The following HACE1 variants were observed in gnomAD, a reference collection of about 807,000 sequenced individuals.
HACE1 encodes HECT domain and ankyrin repeat containing E3 ubiquitin protein ligase 1, also known as E3 ubiquitin-protein ligase HACE1.
Under a neutral mutation model 118.4 loss-of-function variants are expected in HACE1, and 73 were observed. The observed-to-expected ratio is 0.62, with a 90% confidence interval of 0.51 to 0.75. The LOEUF (loss-of-function observed/expected upper bound fraction) is 0.75, where lower values mean the gene tolerates loss of function less well. HACE1 is among the 30% of genes least tolerant of loss of function. The probability of loss-of-function intolerance (pLI) is 0.00; values close to 1 mark genes in which losing one functional copy is unlikely to be tolerated. For synonymous variants in HACE1, 368 were observed against 374.8 expected (o/e 0.98, Z 0.21); for missense variants, 749 against 1,102.2 (o/e 0.68, Z 4.54).
intron 17 of HACE1, 119 bp from the exon 18 acceptor site, chr6:104,772,193 A>G (rs1780696136): frequency 4.8e-6 from 3 of 620,826 alleles, no homozygotes; most frequent in Non-Finnish European, 8.6e-6. Flanking sequence ...TACATTATGT[A>G]TAAACTTCCA....
chr6:104,818,223 A>G lies in HACE1; in HGVS notation c.535-6830T>C, dbSNP rs137858316. ...AAGTAGTCAACTATAGCTTTCAAAT[A>G]TAAGAAAAACAAGTATTTCAGTCAC... On this transcript the variant is annotated intron_variant, in intron 6 of 23. Coordinates refer to ENST00000262903, the MANE Select transcript of HACE1 (RefSeq NM_020771.4). 2.2e-4 allele frequency among the ~76,000 whole-genome samples: 33 copies of G among 152,314 alleles called. No homozygotes were observed. The East Asian group carries it at 4.1e-3, about 19-fold the overall frequency.
chr6:104,840,396 G>C (rs1774980011), intron 5 of HACE1, among the ~76,000 whole-genome samples: 1 of 152,094 alleles, frequency 6.6e-6, no homozygotes, highest in Admixed American at 6.6e-5. Context: ...TACACCACAG[G>C]GCGGGAGGAG....
At chr6:104,736,984 C>G (rs367814736) in intron 22 of HACE1, among the ~76,000 whole-genome samples, 2 of 151,986 alleles carry the variant, frequency 1.3e-5, no homozygotes. Context: ...ATAAAAAACA[C>G]AGTTTTTAAA....
chr6:104,822,037 C>T (rs1029002382), intron 6 of HACE1, among the ~76,000 whole-genome samples: 1 of 151,814 alleles, frequency 6.6e-6, no homozygotes, highest in Non-Finnish European at 1.5e-5. Context: ...GTGAGACCAC[C>T]ATTTCTACAA....
chr6:104,777,755 G>A (rs569728559), intron 14 of HACE1, among the ~76,000 whole-genome samples: 2 of 152,080 alleles, frequency 1.3e-5, no homozygotes, highest in South Asian at 2.1e-4. Flanking sequence ...TTGGTTTATT[G>A]TTGTAGTTGT....
chr6:104,742,341 C>T (rs1288771435), intron 22 of HACE1, among the ~76,000 whole-genome samples: 1 of 143,834 alleles, frequency 7.0e-6, no homozygotes, highest in South Asian at 2.2e-4. Context: ...AGCTTCTGCA[C>T]AGCAAAAGAA....
At chr6:104,830,637 T>C (rs1773760585) in intron 6 of HACE1, among the ~76,000 whole-genome samples, 1 of 152,092 alleles carries the variant, frequency 6.6e-6, no homozygotes, top group South Asian at 2.1e-4. Flanking sequence ...CAACAAGAGA[T>C]AAGACTCAGA....
At chr6:104,804,203 C>T (rs1313124717) in intron 7 of HACE1, among the ~76,000 whole-genome samples, 1 of 152,024 alleles carries the variant, frequency 6.6e-6, no homozygotes, top group Non-Finnish European at 1.5e-5. Flanking sequence ...CACTGCTCAA[C>T]CAAATAAAAG....
chr6:104,789,166 T>C (rs891557390), intron 11 of HACE1, among the ~76,000 whole-genome samples: 5 of 152,136 alleles, frequency 3.3e-5, no homozygotes, highest in African/African-American at 1.2e-4. Flanking sequence ...TTTCTATTTT[T>C]ATCCTTGTAA....
chr6:104,789,970 G>A (rs1334015337), intron 11 of HACE1, among the ~76,000 whole-genome samples: 4 of 151,812 alleles, frequency 2.6e-5, no homozygotes, highest in African/African-American at 7.3e-5. Flanking sequence ...AAGACAGTAA[G>A]TCGTCACTCC....
In HACE1 at chr6:104,859,737, G is replaced by A. The variant is rs1361914750; in HGVS notation, c.-95C>T. On this transcript the variant is annotated 5_prime_UTR_variant, in exon 1 of 24. Transcript: ENST00000262903. ...CATCTCGCCTGGGCCCGTCCAGCAG[G>A]CGGAGACGCGGGCTTGCCCCGGCTA... is the stretch of plus-strand genomic sequence containing the variant. 8.7e-7 allele frequency: 1 copy of A among 1,152,998 alleles called. No individual in the cohort carries two copies. The highest frequency in any genetic ancestry group is 1.6e-5 in the African/African-American group (1 of 62,126). 71.4% of individuals were successfully genotyped at this position (1,152,998 alleles called of 1,614,324 possible). A position where few individuals can be genotyped will look rare whatever the true frequency, so the allele number is the denominator to read the frequency against.
intron 11 of HACE1, among the ~76,000 whole-genome samples, chr6:104,790,705 T>C (rs1305832794): frequency 1.3e-5 from 2 of 152,156 alleles, no homozygotes; most frequent in Non-Finnish European, 2.9e-5. Context: ...CAGTCAACCA[T>C]GATTGTGCCA....
chr6:104,847,087 C>T (rs1775738806), intron 4 of HACE1, among the ~76,000 whole-genome samples: 1 of 152,146 alleles, frequency 6.6e-6, no homozygotes, highest in Non-Finnish European at 1.5e-5. Flanking sequence ...CTCTGTGCCA[C>T]TTTATTTGTT....
At chr6:104,835,519 G>A (rs1774442029) in intron 5 of HACE1, among the ~76,000 whole-genome samples, 1 of 151,864 alleles carries the variant, frequency 6.6e-6, no homozygotes, top group South Asian at 2.1e-4. Context: ...ATAATATTGA[G>A]GAAGTCTCCC....
intron 1 of HACE1, chr6:104,858,416 C>T (rs1201442364): frequency 1.0e-5 from 3 of 292,718 alleles, no homozygotes; most frequent in Non-Finnish European, 2.1e-5. Flanking sequence ...AAGATTATCC[C>T]CAGGCCAGGC....
chr6:104,728,708 T>C lies in HACE1; in HGVS notation c.*954A>G, dbSNP rs1226394467. 2 of 152,142 alleles carry C rather than the reference T, an allele frequency of 1.3e-5. No homozygotes were observed. Among genetic ancestry groups the C allele is most frequent in the Non-Finnish European group, 2.9e-5 (2 of 68,000 alleles). The allele number at this position is 152,142 out of a possible 1,614,324, so 9.4% of individuals were successfully genotyped here. A position where few individuals can be genotyped will look rare whatever the true frequency, so the allele number is the denominator to read the frequency against. Reference sequence around the variant, plus strand: ...CATATGCTGTAACTATTCAAGTACGTCTTTTCAAAATAAAACTGATTAACC... The same window carrying C: ...CATATGCTGTAACTATTCAAGTACGCCTTTTCAAAATAAAACTGATTAACC... On this transcript the variant is annotated 3_prime_UTR_variant, in exon 24 of 24. Transcript: ENST00000262903.
intron 6 of HACE1, among the ~76,000 whole-genome samples, chr6:104,812,051 C>T (rs976974460): frequency 1.2e-4 from 18 of 151,886 alleles, no homozygotes; most frequent in African/African-American, 3.9e-4. Context: ...AGAGAGAGTA[C>T]GCTACTATAA....
At position 104,833,233 on chromosome 6, in the gene HACE1, A is replaced by G. The variant is rs142584696; in HGVS notation, c.403-60T>C. The stretch of plus-strand genomic sequence containing the variant: ...ATAGTGTTTTATATAAAAACAGCAG[A>G]TAAATAATGTTATTTCTCAGCTGGG... On this transcript the variant is annotated intron_variant, in intron 5 of 23. Coordinates refer to ENST00000262903, the MANE Select transcript of HACE1 (RefSeq NM_020771.4). 1,836 of 1,444,786 alleles carry G rather than the reference A, an allele frequency of 1.3e-3. 18 individuals are homozygous for G. In the African/African-American group the frequency reaches 0.024, roughly 19 times the overall value. The allele number at this position is 1,444,786 out of a possible 1,614,324, so 89.5% of individuals were successfully genotyped here.
intron 5 of HACE1, 22 bp from the exon 6 acceptor site, chr6:104,833,195 T>A: frequency 6.2e-7 from 1 of 1,608,766 alleles, no homozygotes; most frequent in African/African-American, 1.3e-5. Flanking sequence ...TTTAGTTACT[T>A]AACATTTGTG....
Sources: allele counts gnomAD v4.1 joint callset (sites outside exome capture counted in the v4.1 genomes callset), GRCh38; gene constraint gnomAD v4.1.1; transcripts MANE v1.5; gene names NCBI Gene and HGNC (gene_info 2026-07-23, HGNC 2026-07-21).